The following CLCN5 variants were observed in gnomAD, a reference collection of about 807,000 sequenced individuals.
The protein encoded by CLCN5 is H(+)/Cl(-) exchange transporter 5.
A neutral mutation model predicts 54.0 loss-of-function variants in CLCN5; 17 were observed. The observed-to-expected ratio is 0.31, with a 90% CI of 0.22 to 0.47. CLCN5 has a LOEUF of 0.47. Ranked by LOEUF, CLCN5 falls within the 20% of genes least tolerant of loss-of-function variation. CLCN5 has a pLI of 1.00. For synonymous variants in CLCN5, 222 were observed against 233.0 expected (o/e 0.95, Z 0.43); for missense variants, 448 against 646.7 (o/e 0.69, Z 3.33).
intron 3 of CLCN5, among the ~76,000 whole-genome samples, chrX:49,939,665 G>C (rs782345784): frequency 3.3e-4 from 37 of 110,700 alleles, no homozygotes; most frequent in South Asian, 7.9e-4. Context: ...GGGAGGGATA[G>C]CATTAGGAGG....
intron 3 of CLCN5, among the ~76,000 whole-genome samples, chrX:49,942,479 G>T (rs1006009989): frequency 6.4e-5 from 7 of 108,730 alleles, no homozygotes; most frequent in African/African-American, 2.3e-4. Context: ...ATGTATACAT[G>T]TGCCATGTTG....
At chrX:50,039,302 ACAAC>A (rs1386680525) in intron 3 of CLCN5, among the ~76,000 whole-genome samples, 2 of 111,524 alleles carry the variant, frequency 1.8e-5, no homozygotes, top group African/African-American at 6.5e-5. Flanking sequence ...TCAAAAACAA[ACAAC>A]CAACCAACCC....
At chrX:49,972,655 G>T (rs1272577061) in intron 3 of CLCN5, among the ~76,000 whole-genome samples, 1 of 111,948 alleles carries the variant, frequency 8.9e-6, no homozygotes, top group East Asian at 2.8e-4. Flanking sequence ...CTCAACCCCA[G>T]GATTTTTGAC....
rs1024028956 is a variant in CLCN5 at position 50,019,100 on chromosome X, G to C, written c.17-23216G>C. Among the ~76,000 whole-genome samples the C allele has an allele frequency of 2.2e-4, 25 of 111,801 alleles. No homozygotes were observed. The South Asian group carries it at 3.7e-3, about 17-fold the overall frequency. The stretch of plus-strand genomic sequence containing the variant: ...TTCTGTCTTGGAAGTTTATTTATTA[G>C]TAGTTTAGTTTATTTAATAGATACA... On this transcript the variant is annotated intron_variant, in intron 3 of 14. Transcript: ENST00000376091.
chrX:50,019,023 G>A (rs1333469561), intron 3 of CLCN5, among the ~76,000 whole-genome samples: 1 of 111,783 alleles, frequency 8.9e-6, no homozygotes, highest in Non-Finnish European at 1.9e-5. Context: ...GTACAATTTT[G>A]TCTTTAAATG....
chrX:49,958,856 G>A (rs1927460575), intron 3 of CLCN5, among the ~76,000 whole-genome samples: 2 of 111,741 alleles, frequency 1.8e-5, no homozygotes, highest in Admixed American at 9.5e-5. Flanking sequence ...AATAGAAATA[G>A]CAACTGAGTC....
chrX:49,978,088 C>T (rs374165143), intron 3 of CLCN5, among the ~76,000 whole-genome samples: 62 of 111,421 alleles, frequency 5.6e-4, no homozygotes, highest in Non-Finnish European at 9.6e-4. Context: ...CAGGTAAGGA[C>T]GCTGAGATCT....
At chrX:50,013,139 TCTCA>T in intron 3 of CLCN5, 1 of 259,825 alleles carries the variant, frequency 3.8e-6, no homozygotes, top group Non-Finnish European at 7.5e-6. Flanking sequence ...TCTGTCTCTC[TCTCA>T]ATCAATCAAT....
At chrX:50,010,551 G>A (rs782599552) in intron 3 of CLCN5, 35 of 115,020 alleles carry the variant, frequency 3.0e-4, no homozygotes, top group East Asian at 5.6e-4. Context: ...CCTGATACTT[G>A]TCGAAGCAAC....
chrX:49,989,045 C>T (rs964123327), intron 3 of CLCN5, among the ~76,000 whole-genome samples: 6 of 109,548 alleles, frequency 5.5e-5, no homozygotes, highest in African/African-American at 2.0e-4. Flanking sequence ...TGAACTCCTG[C>T]TGCTCTACTT....
At chrX:50,073,395 C>A (rs919712403) in intron 6 of CLCN5, among the ~76,000 whole-genome samples, 12 of 111,659 alleles carry the variant, frequency 1.1e-4, no homozygotes, top group Non-Finnish European at 2.3e-4. Context: ...TTTTAGGCTG[C>A]CTGGATTTGA....
Position 50,081,715 on chromosome X carries a change from C to T in CLCN5, c.801C>T (p.Thr267=). ...GGACTCTGGTTATCAAAACCATCAC[C>T]TTGGTGCTGGCAGTGTCATCTGGCT... ...GKWTLVIKTI[T]LVLAVSSGLS... is the part of the protein sequence containing the mutation. Residue 267 remains threonine, a synonymous_variant, in exon 9 of 15, where the codon ACC becomes ACT. Coordinates refer to ENST00000376091, the MANE Select transcript of CLCN5 (RefSeq NM_001127898.4). The T allele has an allele frequency of 8.3e-7, 1 of 1,211,106 alleles. No homozygotes were observed. Among genetic ancestry groups the T allele is most frequent in the Non-Finnish European group, 1.1e-6 (1 of 894,976 alleles).
intron 3 of CLCN5, among the ~76,000 whole-genome samples, chrX:49,940,816 A>G (rs1440133319): frequency 9.9e-5 from 11 of 110,883 alleles, no homozygotes; most frequent in African/African-American, 3.6e-4. Context: ...CATTACCTTG[A>G]TTGATTGGGG....
chrX:50,033,595 A>T (rs1486557865), intron 3 of CLCN5, among the ~76,000 whole-genome samples: 2 of 111,196 alleles, frequency 1.8e-5, no homozygotes, highest in African/African-American at 3.3e-5. Context: ...CATACTGCCC[A>T]AGGTAATTTA....
chrX:49,996,152 C>T (rs1235351460), intron 3 of CLCN5, among the ~76,000 whole-genome samples: 3 of 112,250 alleles, frequency 2.7e-5, no homozygotes, highest in Non-Finnish European at 5.6e-5. Context: ...GTGCTTATCT[C>T]ATCTATCAGC....
chrX:50,062,922 G>T lies in CLCN5; in HGVS notation c.164-6957G>T, dbSNP rs1255452588. ...CCTGAATGACTACTGGGTAAATAACGAAATGAAGGCAGAAATAAAGATGTT... is the reference window on the plus strand; with the variant it reads ...CCTGAATGACTACTGGGTAAATAACTAAATGAAGGCAGAAATAAAGATGTT... On this transcript the variant is annotated intron_variant, in intron 4 of 14. Coordinates refer to ENST00000376091, the MANE Select transcript of CLCN5 (RefSeq NM_001127898.4). Among the ~76,000 whole-genome samples the T allele has an allele frequency of 7.4e-5, 8 of 108,695 alleles. No individual in the cohort carries two copies. The South Asian group carries it at 3.2e-3, about 43-fold the overall frequency. 94.4% of individuals were successfully genotyped at this position (108,695 alleles called of 115,157 possible).
intron 4 of CLCN5, among the ~76,000 whole-genome samples, chrX:50,065,177 A>G (rs1449210549): frequency 9.5e-5 from 8 of 83,817 alleles, no homozygotes; most frequent in Non-Finnish European, 1.9e-4. Context: ...TAATTAAACT[A>G]AAGAGCTTCT....
intron 4 of CLCN5, among the ~76,000 whole-genome samples, chrX:50,058,168 T>C (rs1021847772): frequency 1.8e-5 from 2 of 111,877 alleles, no homozygotes; most frequent in Non-Finnish European, 3.8e-5. Context: ...TCCTGTGATA[T>C]ATACCAATAG....
chrX:49,945,913 C>T (rs1926709430), intron 3 of CLCN5, among the ~76,000 whole-genome samples: 1 of 107,722 alleles, frequency 9.3e-6, no homozygotes, highest in Non-Finnish European at 1.9e-5. Context: ...CACGCTGCCA[C>T]GCCTGGCTAA....
Sources: gnomAD v4.1 joint callset for allele counts (sites outside exome capture counted in the v4.1 genomes callset) on GRCh38, gnomAD v4.1.1 for gene constraint, MANE v1.5 for transcripts, NCBI Gene and HGNC (gene_info 2026-07-23, HGNC 2026-07-21) for gene names.